Variants in CDH13 observed in about 807,000 individuals in gnomAD.
CDH13 encodes the protein cadherin-13.
Under a neutral mutation model 63.8 loss-of-function variants are expected in CDH13, and 24 were observed. The ratio of observed to expected loss-of-function variants is 0.38; its 90% confidence interval spans 0.27 to 0.53. CDH13 has a LOEUF of 0.53. CDH13 is among the 20% of genes least tolerant of loss of function. The pLI is 0.85. For missense variants in CDH13, 1,049 were observed against 903.1 expected (o/e 1.16, Z -2.07); for synonymous variants, 503 against 355.3 (o/e 1.42, Z -4.67).
intron 5 of CDH13, among the ~76,000 whole-genome samples, chr16:83,270,083 A>G (rs559450519): frequency 1.3e-5 from 2 of 152,214 alleles, no homozygotes; most frequent in Non-Finnish European, 2.9e-5. Context: ...TTAATTACTG[A>G]AGTAGTATTG....
intron 3 of CDH13, among the ~76,000 whole-genome samples, chr16:83,111,821 CA>C (rs2035071314): frequency 6.6e-6 from 1 of 152,200 alleles, no homozygotes; most frequent in Admixed American, 6.5e-5. Context: ...TATGGAATAT[CA>C]AAAACCTAAA....
intron 1 of CDH13, among the ~76,000 whole-genome samples, chr16:82,853,319 C>T (rs2039568601): frequency 6.6e-6 from 1 of 152,218 alleles, no homozygotes; most frequent in South Asian, 2.1e-4. Context: ...TTAGTAACAA[C>T]AAAAGTAATA....
intron 1 of CDH13, among the ~76,000 whole-genome samples, chr16:82,688,010 C>T (rs1041821697): frequency 2.6e-5 from 4 of 152,128 alleles, no homozygotes; most frequent in Non-Finnish European, 5.9e-5. Context: ...CAGATGTAGG[C>T]CCTCAGTGAT....
At chr16:83,432,246 A>G (rs1426970452) in intron 6 of CDH13, among the ~76,000 whole-genome samples, 2 of 152,230 alleles carry the variant, frequency 1.3e-5, no homozygotes, top group African/African-American at 4.8e-5. Context: ...AATTACCAAC[A>G]TGAGCTGCTG....
At chr16:83,214,974 C>T (rs1040400460) in intron 4 of CDH13, among the ~76,000 whole-genome samples, 5 of 151,248 alleles carry the variant, frequency 3.3e-5, no homozygotes, top group Non-Finnish European at 7.4e-5. Flanking sequence ...CATGGGGCTT[C>T]CAGGCAGCAA....
chr16:83,326,247 T>G (rs1478205705), intron 5 of CDH13, among the ~76,000 whole-genome samples: 1 of 152,130 alleles, frequency 6.6e-6, no homozygotes, highest in East Asian at 1.9e-4. Flanking sequence ...TCCTGGAAAT[T>G]TCTTGGTAGC....
chr16:83,568,526 C>T (rs938031544), intron 7 of CDH13, among the ~76,000 whole-genome samples: 4 of 152,172 alleles, frequency 2.6e-5, no homozygotes, highest in Non-Finnish European at 5.9e-5. Context: ...GTTCAATGTG[C>T]TTTGGCTTGG....
chr16:83,271,465 G>T (rs1190896447), intron 5 of CDH13, among the ~76,000 whole-genome samples: 1 of 66,846 alleles, frequency 1.5e-5, no homozygotes, highest in Non-Finnish European at 3.0e-5. Context: ...CATGGTTGCT[G>T]TTAGAGCCCC....
chr16:82,963,592 C>T (rs768479228), intron 2 of CDH13, among the ~76,000 whole-genome samples: 1 of 152,122 alleles, frequency 6.6e-6, no homozygotes, highest in East Asian at 1.9e-4. Flanking sequence ...TTATATAACT[C>T]ATTCTGTAAT....
chr16:83,323,525 C>G (rs1022710867), intron 5 of CDH13, among the ~76,000 whole-genome samples: 1 of 152,088 alleles, frequency 6.6e-6, no homozygotes, highest in African/African-American at 2.4e-5. Flanking sequence ...AGGCGATCCA[C>G]CTGCCTCAGC....
intron 4 of CDH13, among the ~76,000 whole-genome samples, chr16:83,175,255 G>T (rs2038079454): frequency 6.6e-6 from 1 of 152,008 alleles, no homozygotes; most frequent in Non-Finnish European, 1.5e-5. Context: ...TGGGACAGAA[G>T]AAATAAGGAA....
At chr16:82,949,011 A>C (rs1905027385) in intron 2 of CDH13, among the ~76,000 whole-genome samples, 1 of 152,192 alleles carries the variant, frequency 6.6e-6, no homozygotes, top group Admixed American at 6.6e-5. Flanking sequence ...ACATTGTGAG[A>C]GAGTTTTCAA....
chr16:83,560,626 A>G (rs2075686138), intron 7 of CDH13, among the ~76,000 whole-genome samples: 1 of 152,200 alleles, frequency 6.6e-6, no homozygotes, highest in South Asian at 2.1e-4. Context: ...GTTTCTCTGT[A>G]ATGTTGATGA....
intron 2 of CDH13, among the ~76,000 whole-genome samples, chr16:82,918,220 A>C (rs562692728): frequency 1.3e-5 from 2 of 152,262 alleles, no homozygotes; most frequent in Non-Finnish European, 2.9e-5. Flanking sequence ...AATAGGAGAA[A>C]ATTGAAATCC....
intron 4 of CDH13, among the ~76,000 whole-genome samples, chr16:83,154,722 G>T (rs1285379011): frequency 6.6e-6 from 1 of 152,128 alleles, no homozygotes; most frequent in Non-Finnish European, 1.5e-5. Context: ...ATTAGACACA[G>T]ACCCTGCCAG....
intron 7 of CDH13, among the ~76,000 whole-genome samples, chr16:83,536,932 G>A (rs998142932): frequency 6.6e-6 from 1 of 152,202 alleles, no homozygotes; most frequent in Non-Finnish European, 1.5e-5. Flanking sequence ...GGATGTTGCG[G>A]ATGGAGGTAA....
chr16:83,356,317 T>A (rs148079497), intron 6 of CDH13, among the ~76,000 whole-genome samples: 5 of 151,392 alleles, frequency 3.3e-5, no homozygotes, highest in African/African-American at 1.2e-4. Flanking sequence ...CATTTTATAG[T>A]AGCCCAGCTT....
intron 1 of CDH13, among the ~76,000 whole-genome samples, chr16:82,728,390 G>A (rs1003307911): frequency 2.0e-5 from 3 of 151,992 alleles, no homozygotes; most frequent in Non-Finnish European, 4.4e-5. Context: ...GATATTGCAG[G>A]TTTGGTTCTA....
At chr16:83,462,986 A>G (rs2325836) in intron 6 of CDH13, among the ~76,000 whole-genome samples, 68,023 of 151,842 alleles carry the variant, frequency 0.45, 15,546 homozygotes, top group Middle Eastern at 0.53. Context: ...TGATCACCCA[A>G]CAGACAATGG....
Sources: gnomAD v4.1 joint callset for allele counts (sites outside exome capture counted in the v4.1 genomes callset) on GRCh38, gnomAD v4.1.1 for gene constraint, MANE v1.5 for transcripts, NCBI Gene and HGNC (gene_info 2026-07-23, HGNC 2026-07-21) for gene names.